RBFOX1: variants seen among roughly 807,000 people sequenced by gnomAD.
RBFOX1 encodes RNA binding protein fox-1 homolog 1.
RBFOX1 carries 8 observed loss-of-function variants against 57.7 expected under a neutral mutation model. That is an observed-to-expected ratio of 0.14 (90% CI 0.08 to 0.25). The LOEUF (loss-of-function observed/expected upper bound fraction) is 0.25. Ranked by LOEUF, RBFOX1 falls within the 10% of genes least tolerant of loss-of-function variation. The pLI is 1.00. For missense variants in RBFOX1, 611 were observed against 548.5 expected (o/e 1.11, Z -1.14); for synonymous variants, 326 against 222.4 (o/e 1.47, Z -4.15).
In RBFOX1 at chr16:6,483,588, G is replaced by A. The variant is rs990021797; in HGVS notation, c.-64+166531G>A. ...ACTCTAAAACACTGTCAGGGAAGGA[G>A]AGAAAGAGGGAGAGAGGGAGGGAGG... On this transcript the variant is annotated intron_variant, in intron 2 of 15. Coordinates refer to ENST00000550418, the MANE Select transcript of RBFOX1 (RefSeq NM_018723.4). 4 of 1,458,050 alleles carry A rather than the reference G, an allele frequency of 2.7e-6. No homozygotes were observed. In the African/African-American group the frequency reaches 5.7e-5, roughly 21 times the overall value. The allele number at this position is 1,458,050 out of a possible 1,614,324, so 90.3% of individuals were successfully genotyped here.
chr16:5,827,095 C>A (rs1337565183), intron 3 of RBFOX1, among the ~76,000 whole-genome samples: 1 of 152,092 alleles, frequency 6.6e-6, no homozygotes, highest in Non-Finnish European at 1.5e-5. Context: ...ACACATGAGA[C>A]CCTCCTTTAA....
chr16:7,477,014 C>T (rs12103232), intron 4 of RBFOX1, among the ~76,000 whole-genome samples: 2,555 of 152,200 alleles, frequency 0.017, 97 homozygotes, highest in African/African-American at 0.059. Flanking sequence ...GGGAAGTGTA[C>T]CTAACACTTG....
chr16:5,596,608 A>G (rs1428255604), intron 2 of RBFOX1, among the ~76,000 whole-genome samples: 3 of 152,188 alleles, frequency 2.0e-5, no homozygotes, highest in African/African-American at 7.2e-5. Flanking sequence ...TAGGGATCCC[A>G]GGGCATCTAG....
intron 2 of RBFOX1, among the ~76,000 whole-genome samples, chr16:6,553,752 A>G (rs774288027): frequency 3.7e-4 from 56 of 152,190 alleles, no homozygotes; most frequent in Non-Finnish European, 5.1e-4. Context: ...AGGTGATAGG[A>G]GAGGTGGCAG....
intron 1 of RBFOX1, among the ~76,000 whole-genome samples, chr16:6,262,082 G>A (rs764568460): frequency 1.7e-4 from 26 of 151,974 alleles, no homozygotes; most frequent in Non-Finnish European, 3.1e-4. Context: ...TAAATAAGGT[G>A]AAACGTAGAG....
At chr16:5,944,778 C>T (rs1327125333) in intron 4 of RBFOX1, among the ~76,000 whole-genome samples, 10 of 36,938 alleles carry the variant, frequency 2.7e-4, no homozygotes, top group Non-Finnish European at 1.8e-4. Flanking sequence ...CTTGGTGAAA[C>T]CCTGTCTCTG....
At chr16:6,201,988 G>C (rs980536358) in intron 1 of RBFOX1, among the ~76,000 whole-genome samples, 1 of 152,150 alleles carries the variant, frequency 6.6e-6, no homozygotes, top group Non-Finnish European at 1.5e-5. Context: ...GAACATGTCA[G>C]AGTATTGGAA....
intron 1 of RBFOX1, among the ~76,000 whole-genome samples, chr16:6,228,421 A>C (rs1332021169): frequency 8.5e-5 from 1 of 11,714 alleles, no homozygotes; most frequent in Non-Finnish European, 9.0e-4. Flanking sequence ...TTTTTAACAC[A>C]CACACAGACA....
chr16:6,292,365 C>G (rs1208264715), intron 1 of RBFOX1, among the ~76,000 whole-genome samples: 1 of 148,164 alleles, frequency 6.7e-6, no homozygotes, highest in African/African-American at 2.5e-5. Flanking sequence ...AACAGTTCCA[C>G]AGATTTTTTT....
intron 4 of RBFOX1, among the ~76,000 whole-genome samples, chr16:5,986,873 C>A (rs2060296429): frequency 6.6e-6 from 1 of 152,148 alleles, no homozygotes; most frequent in South Asian, 2.1e-4. Flanking sequence ...GTTGTAATTT[C>A]TTTAGGACAG....
intron 10 of RBFOX1, among the ~76,000 whole-genome samples, chr16:7,612,660 A>C (rs552354482): frequency 1.1e-4 from 16 of 152,256 alleles, no homozygotes; most frequent in African/African-American, 3.8e-4. Flanking sequence ...GATAATCACG[A>C]TATCCAGCCA....
At chr16:7,139,234 C>T (rs904463403) in intron 4 of RBFOX1, among the ~76,000 whole-genome samples, 2 of 145,324 alleles carry the variant, frequency 1.4e-5, no homozygotes, top group African/African-American at 2.6e-5. Context: ...GTCTGCTCCT[C>T]CTCTCTTCTC....
At chr16:6,634,749 C>CACAAAGATATATTTGTATTAAAT in intron 2 of RBFOX1, among the ~76,000 whole-genome samples, 1 of 48,142 alleles carries the variant, frequency 2.1e-5, no homozygotes, top group Non-Finnish European at 5.5e-5. Flanking sequence ...ATTAAATATA[C>CACAAAGATATATTTGTATTAAAT]AAAGATATAC....
intron 4 of RBFOX1, among the ~76,000 whole-genome samples, chr16:7,273,181 C>T (rs112517652): frequency 1.6e-5 from 2 of 122,290 alleles, no homozygotes; most frequent in South Asian, 3.3e-4. Flanking sequence ...TCCCTCCCTT[C>T]CTTCCTCCCT....
chr16:6,465,887 T>TGTGTGTGA (rs2095038058), intron 2 of RBFOX1, among the ~76,000 whole-genome samples: 1 of 151,184 alleles, frequency 6.6e-6, no homozygotes, highest in Non-Finnish European at 1.5e-5. Flanking sequence ...TGTGTGTTTG[T>TGTGTGTGA]GTGTGTGTGT....
At chr16:7,268,244 G>A (rs1237269238) in intron 4 of RBFOX1, among the ~76,000 whole-genome samples, 2 of 152,212 alleles carry the variant, frequency 1.3e-5, no homozygotes, top group Non-Finnish European at 2.9e-5. Context: ...CTGAAATGTG[G>A]TTAAGCTGTG....
At chr16:6,132,607 T>A (rs1449515832) in intron 1 of RBFOX1, among the ~76,000 whole-genome samples, 1 of 152,118 alleles carries the variant, frequency 6.6e-6, no homozygotes, top group African/African-American at 2.4e-5. Context: ...GTGAAGCTAG[T>A]AAAAAGGCAC....
intron 1 of RBFOX1, among the ~76,000 whole-genome samples, chr16:6,275,168 G>C (rs1381104731): frequency 6.6e-6 from 1 of 152,026 alleles, no homozygotes; most frequent in Non-Finnish European, 1.5e-5. Context: ...GTATATAGCT[G>C]AGCATGGTGG....
chr16:7,024,054 A>C (rs1568417228), intron 3 of RBFOX1, among the ~76,000 whole-genome samples: 1 of 152,186 alleles, frequency 6.6e-6, no homozygotes, highest in Non-Finnish European at 1.5e-5. Flanking sequence ...GAAGGTCATA[A>C]AACCAGGGAT....
Sources: allele counts gnomAD v4.1 joint callset (sites outside exome capture counted in the v4.1 genomes callset), GRCh38; gene constraint gnomAD v4.1.1; transcripts MANE v1.5; gene names NCBI Gene and HGNC (gene_info 2026-07-23, HGNC 2026-07-21).